The following RORA variants were observed in gnomAD, a reference collection of about 807,000 sequenced individuals.
The protein encoded by RORA is nuclear receptor ROR-alpha.
In RORA, 7 loss-of-function variants were observed where a neutral mutation model predicts 69.5. The ratio of observed to expected loss-of-function variants is 0.10; its 90% CI spans 0.06 to 0.19. The LOEUF is 0.19. Among genes scored for constraint, RORA ranks in the 10% least tolerant of loss-of-function variants. The pLI is 1.00. For missense variants in RORA, 457 were observed against 663.0 expected, an observed-to-expected ratio of 0.69 and a Z score of 3.41; for synonymous variants, 261 against 240.8, an observed-to-expected ratio of 1.08 and a Z score of -0.78.
At chr15:61,064,470 C>A (rs908989317) in intron 1 of RORA, among the ~76,000 whole-genome samples, 27 of 152,198 alleles carry the variant, frequency 1.8e-4, no homozygotes, top group Admixed American at 1.8e-3. Context: ...TACTCCCACA[C>A]AAGCAAACTG....
At chr15:60,725,629 T>A (rs187740143) in intron 1 of RORA, among the ~76,000 whole-genome samples, 1 of 152,248 alleles carries the variant, frequency 6.6e-6, no homozygotes, top group African/African-American at 2.4e-5. Context: ...TTGACCTTAG[T>A]CACCCTGCTG....
intron 1 of RORA, among the ~76,000 whole-genome samples, chr15:60,824,300 G>C (rs1237571595): frequency 6.6e-6 from 1 of 152,218 alleles, no homozygotes; most frequent in Non-Finnish European, 1.5e-5. Flanking sequence ...GTGTGGAGAA[G>C]AGGTCTAATC....
At chr15:61,163,375 C>G (rs1295804744) in intron 1 of RORA, among the ~76,000 whole-genome samples, 1 of 152,120 alleles carries the variant, frequency 6.6e-6, no homozygotes, top group Non-Finnish European at 1.5e-5. Context: ...CTAGCAATAT[C>G]TATTCAGAGG....
chr15:60,907,417 G>C (rs1425698337), intron 1 of RORA, among the ~76,000 whole-genome samples: 1 of 152,188 alleles, frequency 6.6e-6, no homozygotes, highest in African/African-American at 2.4e-5. Flanking sequence ...ACTCAGACCA[G>C]ACACCAGCTG....
At chr15:60,590,739 A>G (rs2068477186) in intron 2 of RORA, among the ~76,000 whole-genome samples, 1 of 152,218 alleles carries the variant, frequency 6.6e-6, no homozygotes, top group African/African-American at 2.4e-5. Context: ...TAAGAAGTCG[A>G]TAAGAAATCT....
intron 1 of RORA, among the ~76,000 whole-genome samples, chr15:61,095,717 A>C (rs1462076897): frequency 1.3e-5 from 2 of 152,224 alleles, no homozygotes; most frequent in Non-Finnish European, 2.9e-5. Context: ...TCAGATTACA[A>C]ATAAGGATGC....
rs528598151 is a variant in RORA at position 60,955,100 on chromosome 15, G to A, written c.166+273953C>T. Among the ~76,000 whole-genome samples, 21 of 152,270 alleles carry A rather than the reference G, an allele frequency of 1.4e-4. No individual in the cohort carries two copies. The South Asian group carries it at 2.5e-3, about 18-fold the overall frequency. ...GGGTGGATCATGAGGTTAGGAGTTC[G>A]AGACCAGCCTGGCCAACATGGTGAA... On this transcript the variant is annotated intron_variant, in intron 1 of 10. Transcript: ENST00000335670.
chr15:61,186,748 C>T (rs1167383707), intron 1 of RORA, among the ~76,000 whole-genome samples: 3 of 152,156 alleles, frequency 2.0e-5, no homozygotes, highest in Non-Finnish European at 4.4e-5. Flanking sequence ...CAAGAAGCCC[C>T]CACTCCTCCC....
intron 1 of RORA, among the ~76,000 whole-genome samples, chr15:60,783,885 G>A (rs189075502): frequency 2.0e-5 from 3 of 152,328 alleles, no homozygotes; most frequent in East Asian, 1.9e-4. Context: ...GATCCATGTG[G>A]CTAATCATCT....
At chr15:61,186,178 T>G (rs1269691036) in intron 1 of RORA, among the ~76,000 whole-genome samples, 1 of 152,248 alleles carries the variant, frequency 6.6e-6, no homozygotes. Context: ...TGTCTTTGAT[T>G]AGACTACAAT....
chr15:60,595,362 A>G (rs1427698802), intron 2 of RORA, among the ~76,000 whole-genome samples: 1 of 152,094 alleles, frequency 6.6e-6, no homozygotes, highest in African/African-American at 2.4e-5. Flanking sequence ...AAATACAAAA[A>G]TTAGCCAGGC....
intron 1 of RORA, among the ~76,000 whole-genome samples, chr15:61,070,268 C>T (rs1012505151): frequency 1.3e-5 from 2 of 152,186 alleles, no homozygotes; most frequent in African/African-American, 4.8e-5. Flanking sequence ...TTTTCACACA[C>T]ACCCGTATGC....
chr15:60,564,271 T>C (rs925208615), intron 2 of RORA, among the ~76,000 whole-genome samples: 4 of 152,228 alleles, frequency 2.6e-5, no homozygotes, highest in African/African-American at 7.2e-5. Context: ...CCCAGAGTTG[T>C]TGAAAGTTAA....
Position 61,019,766 on chromosome 15 carries a change from A to G in RORA, c.166+209287T>C, listed in dbSNP as rs16943509. On this transcript the variant is annotated intron_variant, in intron 1 of 10. Transcript: ENST00000335670. ...CCTCTGTGCCACTCTCCTAATGACC[A>G]TCTTCCCTCCTGATGGGGTTCCTGA... Among the ~76,000 whole-genome samples the G allele has an allele frequency of 9.3e-3, 1,412 of 152,082 alleles. 28 individuals are homozygous for G. Among genetic ancestry groups the G allele is most frequent in the African/African-American group, 0.032 (1,328 of 41,448 alleles).
At chr15:60,673,716 T>C (rs1657800) in intron 2 of RORA, among the ~76,000 whole-genome samples, 29,251 of 152,150 alleles carry the variant, frequency 0.19, 3,176 homozygotes, top group African/African-American at 0.28. Context: ...GATTGTTTTA[T>C]GTGATTATGC....
intron 1 of RORA, among the ~76,000 whole-genome samples, chr15:61,086,032 A>C (rs1228529169): frequency 6.6e-6 from 1 of 152,250 alleles, no homozygotes; most frequent in Non-Finnish European, 1.5e-5. Context: ...TAAATTTGGT[A>C]GTCTCACACA....
At chr15:60,775,319 T>A (rs940703589) in intron 1 of RORA, among the ~76,000 whole-genome samples, 3 of 152,158 alleles carry the variant, frequency 2.0e-5, no homozygotes, top group African/African-American at 7.2e-5. Context: ...TCTCTTCAGT[T>A]GTTTGACTAT....
At chr15:60,628,220 C>T (rs975280188) in intron 2 of RORA, among the ~76,000 whole-genome samples, 1 of 152,198 alleles carries the variant, frequency 6.6e-6, no homozygotes, top group Non-Finnish European at 1.5e-5. Context: ...TCTTTTGCCT[C>T]CTCTGGTCTG....
intron 3 of RORA, among the ~76,000 whole-genome samples, chr15:60,519,112 A>G (rs1437243): frequency 0.92 from 139,752 of 152,158 alleles, 65,113 homozygotes; most frequent in Non-Finnish European, 0.99. Context: ...GGGAGAAAAC[A>G]GTATCTAAAA....
Sources: gnomAD v4.1 joint callset for allele counts (sites outside exome capture counted in the v4.1 genomes callset) on GRCh38, gnomAD v4.1.1 for gene constraint, MANE v1.5 for transcripts, NCBI Gene and HGNC (gene_info 2026-07-23, HGNC 2026-07-21) for gene names.